Variants in DTWD2 observed in about 807,000 individuals in gnomAD.
The protein encoded by DTWD2 is tRNA-uridine aminocarboxypropyltransferase 2.
DTWD2 carries 39 observed loss-of-function variants against 31.8 expected under a neutral mutation model. The ratio of observed to expected loss-of-function variants is 1.22; its 90% CI spans 0.95 to 1.60. The LOEUF (loss-of-function observed/expected upper bound fraction) is 1.60. DTWD2 is among the 40% of genes most tolerant of loss of function. DTWD2 has a pLI of 0.00. For synonymous variants in DTWD2, 180 were observed against 142.8 expected (o/e 1.26, Z -1.86); for missense variants, 515 against 381.5 (o/e 1.35, Z -2.92).
chr5:118,940,221 C>T (rs542340483), intron 2 of DTWD2, among the ~76,000 whole-genome samples: 16 of 152,276 alleles, frequency 1.1e-4, no homozygotes, highest in Admixed American at 5.9e-4. Flanking sequence ...CTTGTTGCCA[C>T]GAGAATTCTA....
intron 4 of DTWD2, among the ~76,000 whole-genome samples, chr5:118,912,756 T>C (rs1316611838): frequency 1.3e-5 from 2 of 152,172 alleles, no homozygotes; most frequent in African/African-American, 4.8e-5. Context: ...TTTGTCTTTT[T>C]CCCCAGCTTA....
chr5:118,963,721 G>C (rs950926661), intron 1 of DTWD2, among the ~76,000 whole-genome samples: 1 of 152,130 alleles, frequency 6.6e-6, no homozygotes, highest in African/African-American at 2.4e-5. Context: ...AGGTACTAAA[G>C]AGTAGTTTAA....
chr5:118,939,209 A>C lies in DTWD2; in HGVS notation c.391T>G (p.Phe131Val). 1 of 1,605,498 alleles carries C rather than the reference A, an allele frequency of 6.2e-7. No individual in the cohort carries two copies. The highest frequency in any genetic ancestry group is 8.5e-7 in the Non-Finnish European group (1 of 1,175,454). Residue 131 changes from phenylalanine to valine, a missense_variant, in exon 3 of 6, where the codon TTC becomes GTC. Coordinates refer to ENST00000510708, the MANE Select transcript of DTWD2 (RefSeq NM_173666.4). Reference protein sequence around the residue: ...DKCKVKIGRRFSEERDPELST... With the variant: ...DKCKVKIGRRVSEERDPELST... Reference sequence around the variant, plus strand: ...CAGTTAATTTACCTTTCTTCACTGAAGCGACGACCGATCTTCACTTTACAC... The same window carrying C: ...CAGTTAATTTACCTTTCTTCACTGACGCGACGACCGATCTTCACTTTACAC...
In DTWD2 at chr5:118,843,479, T is replaced by C. The variant is rs539029269; in HGVS notation, c.727-2392A>G. ...TGCATGTTCCCGTAATTTATTTTAA[T>C]GAGGAAAATAAGAGAGGGAATGCTA... On this transcript the variant is annotated intron_variant, in intron 5 of 5. Transcript: ENST00000510708. Among the ~76,000 whole-genome samples, 230 of 152,186 alleles carry C rather than the reference T, an allele frequency of 1.5e-3. 1 individual carries two copies. The highest frequency in any genetic ancestry group is 5.1e-3 in the African/African-American group (211 of 41,502).
rs375467774 is a variant in DTWD2 at position 118,972,986 on chromosome 5, C to A, written c.218+15308G>T. 3.9e-5 allele frequency among the ~76,000 whole-genome samples: 6 copies of A among 152,138 alleles called. No homozygotes were observed. The East Asian group carries it at 7.7e-4, about 20-fold the overall frequency. ...TTGATCCCTTTGCCATTATGTAATG[C>A]CCTTCTTTGTCTTTTTTTTATCTTT... is the stretch of plus-strand genomic sequence containing the variant. On this transcript the variant is annotated intron_variant, in intron 1 of 5. Transcript: ENST00000510708.
At chr5:118,902,014 T>C (rs1753221190) in intron 4 of DTWD2, among the ~76,000 whole-genome samples, 1 of 152,232 alleles carries the variant, frequency 6.6e-6, no homozygotes, top group Non-Finnish European at 1.5e-5. Flanking sequence ...TTTTATTATT[T>C]AAGTATTTTG....
At chr5:118,941,194 T>C (rs1325761216) in intron 2 of DTWD2, among the ~76,000 whole-genome samples, 2 of 152,082 alleles carry the variant, frequency 1.3e-5, no homozygotes, top group Admixed American at 6.5e-5. Context: ...ATTTTTATTA[T>C]ACTGTAAGTT....
At chr5:118,880,038 C>G (rs1294904350) in intron 4 of DTWD2, among the ~76,000 whole-genome samples, 1 of 152,146 alleles carries the variant, frequency 6.6e-6, no homozygotes, top group Non-Finnish European at 1.5e-5. Context: ...GCCTCTATAT[C>G]TTATGCACCG....
At chr5:118,970,190 G>A (rs1400885894) in intron 1 of DTWD2, among the ~76,000 whole-genome samples, 1 of 152,212 alleles carries the variant, frequency 6.6e-6, no homozygotes, top group African/African-American at 2.4e-5. Flanking sequence ...ACTTTGGGAG[G>A]CCGAGGCAGG....
chr5:118,885,696 G>A (rs1752847817), intron 4 of DTWD2, among the ~76,000 whole-genome samples: 1 of 151,474 alleles, frequency 6.6e-6, no homozygotes, highest in Non-Finnish European at 1.5e-5. Context: ...AACTCGGGAG[G>A]CAGAGGTTAT....
At chr5:118,926,940 C>A (rs1380861624) in intron 4 of DTWD2, among the ~76,000 whole-genome samples, 2 of 152,174 alleles carry the variant, frequency 1.3e-5, no homozygotes, top group African/African-American at 4.8e-5. Flanking sequence ...ACATTCATTT[C>A]TCACAGTTCT....
At position 118,971,544 on chromosome 5, in the gene DTWD2, C is replaced by T. The variant is rs1035408814; in HGVS notation, c.218+16750G>A. 5.3e-5 allele frequency among the ~76,000 whole-genome samples: 8 copies of T among 152,142 alleles called. 1 individual carries two copies. Among genetic ancestry groups the T allele is most frequent in the Non-Finnish European group, 1.2e-4 (8 of 68,026 alleles). On this transcript the variant is annotated intron_variant, in intron 1 of 5. Transcript: ENST00000510708. ...ACACAATAATAGTGAGAGACTTTAACACCCCACTGACAATATTAGACAGAT... is the reference window on the plus strand; with the variant it reads ...ACACAATAATAGTGAGAGACTTTAATACCCCACTGACAATATTAGACAGAT...
At chr5:118,981,704 A>G (rs1755304927) in intron 1 of DTWD2, among the ~76,000 whole-genome samples, 1 of 152,158 alleles carries the variant, frequency 6.6e-6, no homozygotes, top group Non-Finnish European at 1.5e-5. Flanking sequence ...CCTTTCTAAC[A>G]TAAAAGTGAA....
chr5:118,960,401 GCTA>G (rs1248486076), intron 1 of DTWD2, among the ~76,000 whole-genome samples: 1 of 152,128 alleles, frequency 6.6e-6, no homozygotes, highest in Non-Finnish European at 1.5e-5. Flanking sequence ...AGTAAGAATG[GCTA>G]CTATTAAAAT....
chr5:118,883,773 T>C (rs866901718), intron 4 of DTWD2, among the ~76,000 whole-genome samples: 1 of 152,056 alleles, frequency 6.6e-6, no homozygotes, highest in African/African-American at 2.4e-5. Flanking sequence ...CCTCAACATA[T>C]GGGGATTACA....
Position 118,967,001 on chromosome 5 carries a change from A to T in DTWD2, c.218+21293T>A, listed in dbSNP as rs73240707. On this transcript the variant is annotated intron_variant, in intron 1 of 5. Coordinates refer to ENST00000510708, the MANE Select transcript of DTWD2 (RefSeq NM_173666.4). ...AGCCAAGATTACGCCACTGCACTCC[A>T]GCAGAGCAACAGAGGGGGACTCCAT... Among the ~76,000 whole-genome samples the T allele has an allele frequency of 8.7e-3, 1,314 of 151,556 alleles. 21 individuals are homozygous for T. The highest frequency in any genetic ancestry group is 0.03 in the African/African-American group (1,219 of 41,184).
chr5:118,875,347 A>G (rs939938309), intron 4 of DTWD2, among the ~76,000 whole-genome samples: 1 of 152,146 alleles, frequency 6.6e-6, no homozygotes, highest in Non-Finnish European at 1.5e-5. Context: ...AAATCCACAT[A>G]TATCAATACT....
At chr5:118,944,143 A>C (rs1157654480) in intron 2 of DTWD2, among the ~76,000 whole-genome samples, 1 of 152,216 alleles carries the variant, frequency 6.6e-6, no homozygotes, top group Non-Finnish European at 1.5e-5. Context: ...TAAACCAAAA[A>C]TTTATTTATA....
rs374245337 is a variant in DTWD2, at chr5:118,940,414, A to G, written c.310-1124T>C. Among the ~76,000 whole-genome samples the G allele has an allele frequency of 2.0e-5, 3 of 152,224 alleles. No homozygotes were observed. In the East Asian group the frequency reaches 5.8e-4, roughly 29 times the overall value. ...TATATATGTCAAATTAAATAGTGCCATAAGATTTAAAATGCCACAGTTGTT... is the reference window on the plus strand; with the variant it reads ...TATATATGTCAAATTAAATAGTGCCGTAAGATTTAAAATGCCACAGTTGTT... On this transcript the variant is annotated intron_variant, in intron 2 of 5. Coordinates refer to ENST00000510708, the MANE Select transcript of DTWD2 (RefSeq NM_173666.4).
Sources: gnomAD v4.1 joint callset for allele counts (sites outside exome capture counted in the v4.1 genomes callset) on GRCh38, gnomAD v4.1.1 for gene constraint, MANE v1.5 for transcripts, NCBI Gene and HGNC (gene_info 2026-07-23, HGNC 2026-07-21) for gene names.